NREP: variants seen among roughly 807,000 people sequenced by gnomAD.
The protein encoded by NREP is neuronal regeneration-related protein.
A neutral mutation model predicts 8.6 loss-of-function variants in NREP; 5 were observed. The observed-to-expected ratio is 0.58, with a 90% CI of 0.30 to 1.22. The LOEUF (loss-of-function observed/expected upper bound fraction) is 1.22, where lower values mean the gene tolerates loss of function less well. Among genes scored for constraint, NREP ranks in the 50% most tolerant of loss-of-function variants. The pLI is 0.07. For missense variants in NREP, 86 were observed against 82.5 expected (o/e 1.04, Z -0.17); for synonymous variants, 27 against 28.0 (o/e 0.96, Z 0.11).
intron 2 of NREP, among the ~76,000 whole-genome samples, chr5:111,798,793 A>G (rs1751933934): frequency 6.8e-6 from 1 of 147,864 alleles, no homozygotes; most frequent in Admixed American, 6.8e-5. Flanking sequence ...GTGTGTATAC[A>G]TATATATCAC....
chr5:111,964,747 G>A (rs1470582812), intron 2 of NREP, among the ~76,000 whole-genome samples: 2 of 150,818 alleles, frequency 1.3e-5, no homozygotes, highest in South Asian at 2.1e-4. Flanking sequence ...TCTTAAACAT[G>A]CCTTCCAGCT....
chr5:111,916,325 C>T (rs1047127613), intron 2 of NREP, among the ~76,000 whole-genome samples: 9 of 151,996 alleles, frequency 5.9e-5, no homozygotes, highest in East Asian at 1.9e-4. Flanking sequence ...TGGAACTTTG[C>T]GGCCTCTGCT....
At chr5:111,971,319 T>C (rs1319529770) in intron 2 of NREP, among the ~76,000 whole-genome samples, 3 of 152,118 alleles carry the variant, frequency 2.0e-5, no homozygotes, top group South Asian at 2.1e-4. Flanking sequence ...CTCAATCACA[T>C]TTTTTTCACA....
chr5:111,953,268 A>G (rs1463490805), intron 2 of NREP, among the ~76,000 whole-genome samples: 1 of 152,168 alleles, frequency 6.6e-6, no homozygotes, highest in African/African-American at 2.4e-5. Context: ...TCAGATGGGC[A>G]GTGCACAAGC....
At chr5:111,747,687 A>G (rs1276673964) in intron 2 of NREP, among the ~76,000 whole-genome samples, 1 of 152,086 alleles carries the variant, frequency 6.6e-6, no homozygotes, top group African/African-American at 2.4e-5. Flanking sequence ...CCCAAATTTC[A>G]GTGAAAAGGG....
intron 2 of NREP, among the ~76,000 whole-genome samples, chr5:111,810,195 A>G (rs1488521566): frequency 3.9e-5 from 6 of 152,186 alleles, no homozygotes; most frequent in African/African-American, 7.2e-5. Context: ...GTCGACAATG[A>G]GCTGTGTGTA....
intron 2 of NREP, among the ~76,000 whole-genome samples, chr5:111,946,462 A>G (rs1452003601): frequency 1.3e-5 from 2 of 152,042 alleles, no homozygotes; most frequent in African/African-American, 2.4e-5. Flanking sequence ...CAGAAAATAC[A>G]AAGTTTTTCA....
Position 111,961,154 on chromosome 5 carries a change from A to C in NREP, c.135+14120T>G, listed in dbSNP as rs373455296. On this transcript the variant is annotated intron_variant, in intron 2 of 3. Coordinates refer to the NREP transcript ENST00000395634. ...TGACAAGACTTTTCAAGGCCACATA[A>C]GTAGTTAGGCCAGAACGAAGGTTCC... 5.3e-5 allele frequency among the ~76,000 whole-genome samples: 8 copies of C among 152,302 alleles called. No homozygotes were observed. The East Asian group carries it at 1.5e-3, about 29-fold the overall frequency.
chr5:111,904,528 GT>G, intron 2 of NREP, among the ~76,000 whole-genome samples: 1 of 152,070 alleles, frequency 6.6e-6, no homozygotes, highest in African/African-American at 2.4e-5. Flanking sequence ...TTTTCAGGCT[GT>G]TTTCTCTCAC....
At chr5:111,892,418 A>T (rs979160266) in intron 2 of NREP, among the ~76,000 whole-genome samples, 3 of 152,224 alleles carry the variant, frequency 2.0e-5, no homozygotes, top group African/African-American at 7.2e-5. Flanking sequence ...ATGTACTAAA[A>T]GAGAGTCACT....
At chr5:111,785,438 C>T (rs995800179) in intron 2 of NREP, among the ~76,000 whole-genome samples, 5 of 151,996 alleles carry the variant, frequency 3.3e-5, no homozygotes, top group Admixed American at 6.6e-5. Flanking sequence ...GCCACCATGC[C>T]GGACTAATTT....
At chr5:111,920,652 G>A (rs1261153471) in intron 2 of NREP, among the ~76,000 whole-genome samples, 1 of 152,088 alleles carries the variant, frequency 6.6e-6, no homozygotes. Flanking sequence ...AAGCTGGTGT[G>A]GAGGGGTGCT....
intron 2 of NREP, among the ~76,000 whole-genome samples, chr5:111,872,079 T>C (rs1056565860): frequency 2.0e-5 from 3 of 151,358 alleles, no homozygotes; most frequent in Non-Finnish European, 4.4e-5. Context: ...TACACACACA[T>C]ATATTTGAGA....
chr5:111,786,204 C>T (rs1751604787), intron 2 of NREP, among the ~76,000 whole-genome samples: 1 of 152,152 alleles, frequency 6.6e-6, no homozygotes, highest in African/African-American at 2.4e-5. Flanking sequence ...TTATAAGGGG[C>T]TCTTCCCACT....
At chr5:111,901,803 A>T (rs1005581759) in intron 2 of NREP, among the ~76,000 whole-genome samples, 3 of 152,182 alleles carry the variant, frequency 2.0e-5, no homozygotes, top group African/African-American at 7.2e-5. Context: ...GAAACTGAAG[A>T]CAAAAACAAA....
intron 2 of NREP, among the ~76,000 whole-genome samples, chr5:111,898,519 C>T (rs994870734): frequency 6.6e-6 from 1 of 152,028 alleles, no homozygotes; most frequent in Non-Finnish European, 1.5e-5. Context: ...CTAATGATCT[C>T]CCAGTCAGCA....
intron 2 of NREP, among the ~76,000 whole-genome samples, chr5:111,790,191 T>C (rs767251377): frequency 2.8e-4 from 42 of 151,994 alleles, no homozygotes; most frequent in Non-Finnish European, 4.9e-4. Flanking sequence ...TATACACATA[T>C]CAGATTTTTT....
At chr5:111,922,353 T>C (rs1219253544) in intron 2 of NREP, among the ~76,000 whole-genome samples, 1 of 152,138 alleles carries the variant, frequency 6.6e-6, no homozygotes, top group African/African-American at 2.4e-5. Flanking sequence ...TTGGAGGTAT[T>C]TAGGGAGTCC....
At chr5:111,896,174 T>C (rs1754507415) in intron 2 of NREP, among the ~76,000 whole-genome samples, 1 of 152,104 alleles carries the variant, frequency 6.6e-6, no homozygotes, top group Non-Finnish European at 1.5e-5. Context: ...AGGAGGCTAT[T>C]GAAATCTATG....
Sources: gnomAD v4.1 joint callset for allele counts (sites outside exome capture counted in the v4.1 genomes callset) on GRCh38, gnomAD v4.1.1 for gene constraint, MANE v1.5 for transcripts, NCBI Gene and HGNC (gene_info 2026-07-23, HGNC 2026-07-21) for gene names.